Variants in AFG2A observed in about 807,000 individuals in gnomAD.
The protein encoded by AFG2A is AAA ATPase AFG2A, also known as ATPase family gene 2 protein homolog A.
At chr4:123,132,448 A>G in the AFG2A span, among the ~76,000 whole-genome samples, 2 of 151,906 alleles carry the variant, frequency 1.3e-5, no homozygotes, top group Non-Finnish European at 2.9e-5. Context: ...TGTTGTCGCA[A>G]ATGGCAAGAT....
the AFG2A span, among the ~76,000 whole-genome samples, chr4:122,979,030 C>T: frequency 1.3e-5 from 2 of 152,176 alleles, no homozygotes; most frequent in Admixed American, 6.5e-5. Context: ...GGGGCTCACA[C>T]CCCACCAACT....
chr4:123,196,447 G>A, the AFG2A span, among the ~76,000 whole-genome samples: 1 of 151,942 alleles, frequency 6.6e-6, no homozygotes, highest in Admixed American at 6.6e-5. Flanking sequence ...TAAATTCAGA[G>A]TACCTCTTTC....
the AFG2A span, among the ~76,000 whole-genome samples, chr4:122,980,543 G>A: frequency 0.019 from 2,881 of 152,030 alleles, 87 homozygotes; most frequent in African/African-American, 0.065. Context: ...TGAATCTTTT[G>A]GTAACTTAAT....
chr4:123,080,056 A>G, the AFG2A span, among the ~76,000 whole-genome samples: 10 of 151,932 alleles, frequency 6.6e-5, no homozygotes, highest in African/African-American at 2.4e-4. Context: ...GCCAACTCCA[A>G]CCTTCTTGAT....
chr4:123,218,532 TC>T, the AFG2A span, among the ~76,000 whole-genome samples: 3 of 152,196 alleles, frequency 2.0e-5, no homozygotes, highest in Admixed American at 2.0e-4. Flanking sequence ...GTTTGATAAG[TC>T]CAATCCCAGA....
At chr4:123,057,585 G>A in the AFG2A span, among the ~76,000 whole-genome samples, 1 of 152,000 alleles carries the variant, frequency 6.6e-6, no homozygotes, top group East Asian at 1.9e-4. Context: ...CAAAATTAGG[G>A]TTATTGTAAA....
chr4:122,967,277 G>A, the AFG2A span, among the ~76,000 whole-genome samples: 2 of 151,904 alleles, frequency 1.3e-5, no homozygotes, highest in African/African-American at 4.8e-5. Flanking sequence ...GTGTGTGTCT[G>A]TAGTCCTAGC....
the AFG2A span, among the ~76,000 whole-genome samples, chr4:123,083,229 A>C: frequency 1.3e-5 from 2 of 152,230 alleles, no homozygotes; most frequent in South Asian, 4.1e-4. Flanking sequence ...AAAGCTTCTA[A>C]TTTCTCACCA....
the AFG2A span, among the ~76,000 whole-genome samples, chr4:123,032,423 C>T: frequency 1.3e-5 from 2 of 152,010 alleles, no homozygotes; most frequent in African/African-American, 4.8e-5. Flanking sequence ...GACAAAGTCT[C>T]ACTCTGTCGC....
At chr4:122,944,695 G>T in the AFG2A span, among the ~76,000 whole-genome samples, 1 of 152,160 alleles carries the variant, frequency 6.6e-6, no homozygotes, top group Non-Finnish European at 1.5e-5. Context: ...GCGTTCCTTT[G>T]GAAGAGGAGA....
At chr4:123,293,432 T>A in the AFG2A span, among the ~76,000 whole-genome samples, 2 of 152,170 alleles carry the variant, frequency 1.3e-5, no homozygotes, top group Non-Finnish European at 2.9e-5. Flanking sequence ...TCCCTTGATA[T>A]GGTACCCTTT....
the AFG2A span, among the ~76,000 whole-genome samples, chr4:122,932,892 A>G: frequency 6.6e-6 from 1 of 152,218 alleles, no homozygotes; most frequent in South Asian, 2.1e-4. Context: ...TGAGAGAGTG[A>G]AGTAAGTTAT....
the AFG2A span, among the ~76,000 whole-genome samples, chr4:123,311,945 C>G: frequency 0.77 from 116,745 of 152,158 alleles, 45,668 homozygotes; most frequent in Non-Finnish European, 0.85. Context: ...CCGCCCATCT[C>G]GCCATGTGAA....
the AFG2A span, among the ~76,000 whole-genome samples, chr4:123,145,745 A>AT: frequency 6.6e-6 from 1 of 152,154 alleles, no homozygotes; most frequent in African/African-American, 2.4e-5. Flanking sequence ...TAGGAAACTG[A>AT]TCCCCAATGA....
the AFG2A span, among the ~76,000 whole-genome samples, chr4:123,135,559 A>G: frequency 4.6e-5 from 7 of 152,218 alleles, no homozygotes; most frequent in Admixed American, 4.6e-4. Context: ...CCACAGATTG[A>G]AAATACTCAG....
At chr4:123,161,683 A>G in the AFG2A span, among the ~76,000 whole-genome samples, 1,643 of 152,282 alleles carry the variant, frequency 0.011, 40 homozygotes, top group African/African-American at 0.038. Flanking sequence ...TAATTTCTGA[A>G]TAGAAAAAAA....
At chr4:123,029,853 G>A in the AFG2A span, among the ~76,000 whole-genome samples, 23,096 of 151,990 alleles carry the variant, frequency 0.15, 2,335 homozygotes, top group East Asian at 0.45. Context: ...GCCCAGGCTG[G>A]TCTCAAACTC....
chr4:123,263,734 A>G, the AFG2A span, among the ~76,000 whole-genome samples: 4 of 152,220 alleles, frequency 2.6e-5, no homozygotes, highest in African/African-American at 9.6e-5. Flanking sequence ...GGATGTGCTA[A>G]AAAGGGGACA....
the AFG2A span, among the ~76,000 whole-genome samples, chr4:123,189,739 T>C: frequency 1.3e-5 from 2 of 152,074 alleles, no homozygotes; most frequent in Non-Finnish European, 2.9e-5. Context: ...TACAGCCACT[T>C]TTGCATAGAT....
Sources: allele counts gnomAD v4.1 joint callset (sites outside exome capture counted in the v4.1 genomes callset), GRCh38; gene constraint gnomAD v4.1.1; transcripts MANE v1.5; gene names NCBI Gene and HGNC (gene_info 2026-07-23, HGNC 2026-07-21).